AOC1: variants seen among roughly 807,000 people sequenced by gnomAD.
The protein encoded by AOC1 is diamine oxidase [copper-containing].
Under a neutral mutation model 57.1 loss-of-function variants are expected in AOC1, and 58 were observed. The observed-to-expected ratio is 1.02, with a 90% CI of 0.82 to 1.26. The LOEUF is 1.26. AOC1 is among the 50% of genes most tolerant of loss of function. The pLI is 0.00. For missense variants in AOC1, 917 were observed against 1,005.3 expected, an observed-to-expected ratio of 0.91 and a Z score of 1.19; for synonymous variants, 401 against 423.4, an observed-to-expected ratio of 0.95 and a Z score of 0.65.
chr7:150,861,419 G>C lies in AOC1; in HGVS notation c.*210G>C, dbSNP rs1281638802. On this transcript the variant is annotated 3_prime_UTR_variant, in exon 5 of 5. Transcript: ENST00000360937. This position sits in a 1 kb window ranked among gnomAD's most constrained non-coding sequence, Gnocchi z 4.5. Reference sequence around the variant, plus strand: ...ACACACACAGACGTGCACACACACAGACGTGCACGCACTCACACGGACATG... The same window carrying C: ...ACACACACAGACGTGCACACACACACACGTGCACGCACTCACACGGACATG... 9 of 539,306 alleles carry C rather than the reference G, an allele frequency of 1.7e-5. No individual in the cohort carries two copies. The East Asian group carries it at 2.6e-4, about 15-fold the overall frequency. 33.4% of individuals were successfully genotyped at this position (539,306 alleles called of 1,614,324 possible). A position where few individuals can be genotyped will look rare whatever the true frequency, so the allele number is the denominator to read the frequency against.
At chr7:150,859,121 T>A (rs972570026) in intron 3 of AOC1, 73 bp downstream of exon 3, 9 of 1,426,460 alleles carry the variant, frequency 6.3e-6, no homozygotes, top group Non-Finnish European at 8.3e-6. Flanking sequence ...TCTGTCTGTG[T>A]TTGTGTCTAT....
At chr7:150,854,666 G>A (rs936322163) in intron 1 of AOC1, among the ~76,000 whole-genome samples, 5 of 152,176 alleles carry the variant, frequency 3.3e-5, no homozygotes, top group African/African-American at 9.7e-5. Flanking sequence ...TAACACATGG[G>A]TTGTGTTCCC....
chr7:150,858,013 C>T lies in AOC1; in HGVS notation c.1543C>T (p.His515Tyr). The change falls in exon 2 of 5, where the codon CAC becomes TAC. Residue 515 changes from histidine (H) to tyrosine (Y), a missense_variant. Coordinates refer to ENST00000360937, the MANE Select transcript of AOC1 (RefSeq NM_001091.4). ...LIGNIHTHLV[H>Y]YRVDLDVAGT... The stretch of plus-strand genomic sequence containing the variant: ...TGGCAACATACACACTCACTTGGTG[C>T]ACTACCGCGTAGACCTGGATGTGGC... 3 of 1,552,646 alleles carry T rather than the reference C, an allele frequency of 1.9e-6. No homozygotes were observed. Among genetic ancestry groups the T allele is most frequent in the Non-Finnish European group, 2.6e-6 (3 of 1,154,380 alleles).
rs182977889 is a variant in AOC1 at position 150,857,697 on chromosome 7, G to A, written c.1227G>A (p.Pro409=). The A allele has an allele frequency of 2.9e-4, 472 of 1,614,066 alleles. 2 individuals are homozygous for A. The highest frequency in any genetic ancestry group is 1.2e-3 in the Middle Eastern group (7 of 6,062). The change falls in exon 2 of 5, where the codon CCG becomes CCA. Residue 409 remains proline, a synonymous_variant. Transcript: ENST00000360937. This position sits in a 1 kb window ranked among gnomAD's most constrained non-coding sequence, Gnocchi z 6.6. The part of the protein sequence containing the change: ...DTFHYYDADD[P]VHYPRALCLF... ...TCCACTACTATGATGCCGATGACCC[G>A]GTCCATTATCCCCGAGCCCTCTGCC...
At position 150,852,864 on chromosome 7, in the gene AOC1, A is replaced by C. The variant is rs1799661840; in HGVS notation, c.-17+306A>C. On this transcript the variant is annotated intron_variant, in intron 1 of 4. Transcript: ENST00000360937. The surrounding 1 kb of genome is among the most constrained non-coding windows in gnomAD (Gnocchi z 4.6). ...CCACTGCCACTGCACATGGGGACAGAGGTTTGTCCTGGGGAAAGCAAAGGT... is the reference window on the plus strand; with the variant it reads ...CCACTGCCACTGCACATGGGGACAGCGGTTTGTCCTGGGGAAAGCAAAGGT... Among the ~76,000 whole-genome samples the C allele has an allele frequency of 2.0e-5, 3 of 152,178 alleles. No individual in the cohort carries two copies. Among genetic ancestry groups the C allele is most frequent in the Non-Finnish European group, 4.4e-5 (3 of 68,028 alleles).
In AOC1 at chr7:150,856,804, A is replaced by G; in HGVS notation, c.334A>G (p.Thr112Ala). The G allele has an allele frequency of 1.2e-6, 2 of 1,614,012 alleles. No individual in the cohort carries two copies. The highest frequency in any genetic ancestry group is 4.5e-5 in the East Asian group (2 of 44,856). The change falls in exon 2 of 5, where the codon ACC (threonine) becomes GCC (alanine). Residue 112 changes from threonine to alanine, a missense_variant. Thr to Ala is a moderately conservative substitution (Grantham distance 58, BLOSUM62 0). Coordinates refer to ENST00000360937, the MANE Select transcript of AOC1 (RefSeq NM_001091.4). The surrounding 1 kb of genome is among the most constrained non-coding windows in gnomAD (Gnocchi z 5.2). Reference sequence around the variant, plus strand: ...TGGTGACCAGGAGCATCCCAATGTCACCGAGTTTGCTGTGGGGCCCCTGCC... The same window carrying G: ...TGGTGACCAGGAGCATCCCAATGTCGCCGAGTTTGCTGTGGGGCCCCTGCC... ...FFGDQEHPNV[T>A]EFAVGPLPGP...
chr7:150,857,575 A>C lies in AOC1; in HGVS notation c.1105A>C (p.Thr369Pro). The change falls in exon 2 of 5, where the codon ACC becomes CCC. Residue 369 changes from threonine to proline, a missense_variant. Thr to Pro is a conservative substitution (Grantham distance 38, BLOSUM62 -1). Transcript: ENST00000360937. This position sits in a 1 kb window ranked among gnomAD's most constrained non-coding sequence, Gnocchi z 6.6. The stretch of plus-strand genomic sequence containing the variant: ...AGGACACACACCTGCAGGCATGCAG[A>C]CCAAGTACCTCGATGTCGGCTGGGG... ...YGGHTPAGMQ[T>P]KYLDVGWGLG... 6.2e-7 allele frequency: 1 copy of C among 1,614,030 alleles called. No homozygotes were observed. Among genetic ancestry groups the C allele is most frequent in the South Asian group, 1.1e-5 (1 of 91,086 alleles).
At chr7:150,854,701 T>C (rs1468645516) in intron 1 of AOC1, among the ~76,000 whole-genome samples, 2 of 152,172 alleles carry the variant, frequency 1.3e-5, no homozygotes, top group African/African-American at 4.8e-5. Flanking sequence ...GGAAATGTGA[T>C]GTGTAAATGC....
chr7:150,856,851 ACT>A lies in AOC1; in HGVS notation c.382_383del (p.Leu128ValfsTer51), dbSNP rs1389717693. 4.3e-6 allele frequency: 7 copies of A among 1,614,078 alleles called. No homozygotes were observed. ...PLPGPCYMRALSPRPGYQSSW... is the reference protein window; with the variant it reads ...PLPGPCYMRAXSPRPGYQSSW... ...TGCCAGGGCCCTGCTACATGCGAGC[ACT>A]GTCCCCCAGGCCTGGGTACCAGTCC... On this transcript the variant is annotated frameshift_variant, in exon 2 of 5. Coordinates refer to ENST00000360937, the MANE Select transcript of AOC1 (RefSeq NM_001091.4). LOFTEE classifies it high-confidence loss of function. The surrounding 1 kb of genome is among the most constrained non-coding windows in gnomAD (Gnocchi z 5.2).
Position 150,858,004 on chromosome 7 carries a change from C to T in AOC1, c.1534C>T (p.His512Tyr). Residue 512 changes from histidine (H) to tyrosine (Y), a missense_variant, in exon 2 of 5, where the codon CAC becomes TAC. Transcript: ENST00000360937. ...CCACCTGATTGGCAACATACACACT[C>T]ACTTGGTGCACTACCGCGTAGACCT... ...HTHLIGNIHT[H>Y]LVHYRVDLDV... is the part of the protein sequence containing the mutation. The T allele has an allele frequency of 1.9e-6, 3 of 1,561,886 alleles. No individual in the cohort carries two copies. Among genetic ancestry groups the T allele is most frequent in the Non-Finnish European group, 2.6e-6 (3 of 1,159,424 alleles).
chr7:150,855,117 G>A (rs1179148794), intron 1 of AOC1, among the ~76,000 whole-genome samples: 2 of 152,232 alleles, frequency 1.3e-5, no homozygotes, highest in African/African-American at 4.8e-5. Context: ...CTCAGGCACT[G>A]CTTGCAGGAA....
At chr7:150,853,714 T>C (rs1339184789) in intron 1 of AOC1, among the ~76,000 whole-genome samples, 1 of 144,018 alleles carries the variant, frequency 6.9e-6, no homozygotes, top group East Asian at 2.0e-4. Flanking sequence ...TATTTATTTA[T>C]TTAAGTCTAA....
chr7:150,856,312 C>T lies in AOC1; in HGVS notation c.-16-143C>T, dbSNP rs1482961442. ...GGCGCTGGGGACTATGCATGGGGCC[C>T]CAGCTGCCCCAGGACAGCCTCCAGC... On this transcript the variant is annotated intron_variant, in intron 1 of 4. Coordinates refer to ENST00000360937, the MANE Select transcript of AOC1 (RefSeq NM_001091.4). The surrounding 1 kb of genome is among the most constrained non-coding windows in gnomAD (Gnocchi z 5.2). 5.5e-6 allele frequency: 6 copies of T among 1,100,670 alleles called. No individual in the cohort carries two copies. The highest frequency in any genetic ancestry group is 7.6e-6 in the Non-Finnish European group (6 of 793,250). 68.2% of individuals were successfully genotyped at this position (1,100,670 alleles called of 1,614,324 possible). A position where few individuals can be genotyped will look rare whatever the true frequency, so the allele number is the denominator to read the frequency against.
At chr7:150,858,622 C>T in intron 2 of AOC1, 141 bp from the exon 3 acceptor site, 1 of 936,774 alleles carries the variant, frequency 1.1e-6, no homozygotes, top group Non-Finnish European at 1.6e-6. Context: ...ACCACAGCCG[C>T]CCAGGGCATC....
rs1165122215 is a variant in AOC1 at position 150,861,167 on chromosome 7, G to A, written c.2214G>A (p.Met738Ile). The change falls in exon 5 of 5, where the codon ATG becomes ATA. Residue 738 changes from methionine to isoleucine, a missense_variant. Coordinates refer to ENST00000360937, the MANE Select transcript of AOC1 (RefSeq NM_001091.4). The surrounding 1 kb of genome is among the most constrained non-coding windows in gnomAD (Gnocchi z 4.5). ...RWIPEDRDCS[M>I]PPPFSYNGTY... is the part of the protein sequence containing the mutation. Reference sequence around the variant, plus strand: ...TCCCTGAGGACAGGGACTGCTCGATGCCTCCCCCTTTTAGCTACAATGGGA... The same window carrying A: ...TCCCTGAGGACAGGGACTGCTCGATACCTCCCCCTTTTAGCTACAATGGGA... The A allele has an allele frequency of 6.8e-6, 11 of 1,609,234 alleles. No homozygotes were observed. The East Asian group carries it at 1.3e-4, about 20-fold the overall frequency.
chr7:150,860,812 A>G, intron 4 of AOC1, 131 bp from the exon 5 acceptor site: 1 of 1,392,008 alleles, frequency 7.2e-7, no homozygotes. Context: ...AGAGCTGCTC[A>G]TCTCTTTAAA....
At chr7:150,859,083 G>A in intron 3 of AOC1, 35 bp downstream of exon 3, 1 of 1,506,600 alleles carries the variant, frequency 6.6e-7, no homozygotes, top group Non-Finnish European at 8.9e-7. Flanking sequence ...GGGAGGGTCA[G>A]TGGCTTCCCT....
intron 2 of AOC1, among the ~76,000 whole-genome samples, chr7:150,858,463 C>A (rs752079651): frequency 3.3e-5 from 5 of 152,126 alleles, no homozygotes; most frequent in East Asian, 1.9e-4. Context: ...ACCACACGGG[C>A]GGCTCCTACC....
chr7:150,857,389 G>A lies in AOC1; in HGVS notation c.919G>A (p.Gly307Ser), dbSNP rs773093939. 1.9e-5 allele frequency: 30 copies of A among 1,609,874 alleles called. No homozygotes were observed. Among genetic ancestry groups the A allele is most frequent in the South Asian group, 1.3e-4 (12 of 90,964 alleles). ...VSGPRLVQPH[G>S]PRFRLEGNAV... is the part of the protein sequence containing the mutation. Reference sequence around the variant, plus strand: ...CGGCCCCCGCTTGGTCCAGCCCCACGGCCCTCGCTTCAGGCTGGAGGGCAA... The same window carrying A: ...CGGCCCCCGCTTGGTCCAGCCCCACAGCCCTCGCTTCAGGCTGGAGGGCAA... Residue 307 changes from glycine (G) to serine (S), a missense_variant, in exon 2 of 5, where the codon GGC becomes AGC. Physicochemically the swap from Gly to Ser is moderately conservative, Grantham distance 56. Coordinates refer to ENST00000360937, the MANE Select transcript of AOC1 (RefSeq NM_001091.4). This position sits in a 1 kb window ranked among gnomAD's most constrained non-coding sequence, Gnocchi z 6.6.
Sources: gnomAD v4.1 joint callset for allele counts (sites outside exome capture counted in the v4.1 genomes callset) on GRCh38, gnomAD v4.1.1 for gene constraint, Gnocchi (gnomAD v3.1) non-coding constraint, MANE v1.5 for transcripts, NCBI Gene and HGNC (gene_info 2026-07-23, HGNC 2026-07-21) for gene names.